Variants in CALN1 observed in about 807,000 individuals in gnomAD.
The protein encoded by CALN1 is calneuron 1.
Under a neutral mutation model 30.6 loss-of-function variants are expected in CALN1, and 17 were observed. That is an observed-to-expected ratio of 0.56 (90% confidence interval 0.38 to 0.83). The LOEUF is 0.83. CALN1 is among the 40% of genes least tolerant of loss of function. CALN1 has a pLI of 0.00. For missense variants in CALN1, 291 were observed against 354.9 expected (o/e 0.82, Z 1.45); for synonymous variants, 156 against 131.4 (o/e 1.19, Z -1.28).
intron 3 of CALN1, among the ~76,000 whole-genome samples, chr7:72,174,059 A>G (rs1347959002): frequency 1.3e-5 from 2 of 152,122 alleles, no homozygotes; most frequent in South Asian, 2.1e-4. Flanking sequence ...TATATCTAGT[A>G]TATATAAAGA....
In CALN1 at chr7:71,994,553, G is replaced by A. The variant is rs373992654; in HGVS notation, c.501+29104C>T. 1.5e-4 allele frequency among the ~76,000 whole-genome samples: 23 copies of A among 148,486 alleles called. No homozygotes were observed. In the South Asian group the frequency reaches 4.9e-3, roughly 31 times the overall value. On this transcript the variant is annotated intron_variant, in intron 5 of 6. Coordinates refer to ENST00000395275, the MANE Select transcript of CALN1 (RefSeq NM_031468.4). ...AAAAAACAGTGATAGTAAAATTGAA[G>A]TGGTGTTATTCATCTGGAGTAATAC...
chr7:72,150,846 T>A (rs7805399), intron 3 of CALN1, among the ~76,000 whole-genome samples: 41,295 of 151,934 alleles, frequency 0.27, 6,310 homozygotes, highest in Non-Finnish European at 0.35. Context: ...ATAGAGTAGA[T>A]GCTCAATAAC....
At chr7:72,434,280 A>T (rs960872016) in intron 1 of CALN1, among the ~76,000 whole-genome samples, 3 of 150,976 alleles carry the variant, frequency 2.0e-5, no homozygotes, top group African/African-American at 7.3e-5. Flanking sequence ...AGGCGGGTGG[A>T]TCACCTGAGG....
chr7:72,354,112 A>C (rs1161069394), intron 2 of CALN1, among the ~76,000 whole-genome samples: 1 of 152,124 alleles, frequency 6.6e-6, no homozygotes, highest in Non-Finnish European at 1.5e-5. Context: ...ACTTGAACCC[A>C]AGAGGGGGAG....
chr7:72,182,883 G>A (rs1271379278), intron 3 of CALN1, among the ~76,000 whole-genome samples: 2 of 152,056 alleles, frequency 1.3e-5, no homozygotes, highest in Non-Finnish European at 2.9e-5. Context: ...TTGTGTGGCC[G>A]GAAGACAGAA....
intron 5 of CALN1, among the ~76,000 whole-genome samples, chr7:71,945,310 G>C (rs1437672051): frequency 3.3e-5 from 5 of 152,168 alleles, no homozygotes; most frequent in African/African-American, 1.2e-4. Flanking sequence ...CCAGTTTTGG[G>C]TATTCCTTTA....
At chr7:72,300,597 A>G (rs370001269) in intron 2 of CALN1, among the ~76,000 whole-genome samples, 3 of 152,238 alleles carry the variant, frequency 2.0e-5, no homozygotes, top group Admixed American at 6.5e-5. Context: ...AAACGAACAC[A>G]CTTCTCTCCT....
intron 3 of CALN1, among the ~76,000 whole-genome samples, chr7:72,230,641 G>A (rs1347866710): frequency 6.6e-6 from 1 of 152,086 alleles, no homozygotes; most frequent in East Asian, 1.9e-4. Flanking sequence ...ATAGAAGTTC[G>A]ACAAAGCAAG....
chr7:72,170,349 G>C (rs570545794), intron 3 of CALN1, among the ~76,000 whole-genome samples: 1 of 152,154 alleles, frequency 6.6e-6, no homozygotes, highest in East Asian at 1.9e-4. Flanking sequence ...TAATAACTCT[G>C]ATGCTACTTT....
At chr7:71,906,385 C>T (rs1794138039) in intron 5 of CALN1, among the ~76,000 whole-genome samples, 1 of 152,106 alleles carries the variant, frequency 6.6e-6, no homozygotes, top group Non-Finnish European at 1.5e-5. Flanking sequence ...TCCAGAGACT[C>T]CGAATGGGTG....
Position 72,196,807 on chromosome 7 carries a change from T to C in CALN1, c.244+81879A>G, listed in dbSNP as rs145662325. On this transcript the variant is annotated intron_variant, in intron 3 of 6. Coordinates refer to ENST00000395275, the MANE Select transcript of CALN1 (RefSeq NM_031468.4). ...CATCCTCATGAGTTAGATATTTTTA[T>C]TCCTGATGAGAAAACTGGGTCATTT... Among the ~76,000 whole-genome samples the C allele has an allele frequency of 6.2e-3, 942 of 152,198 alleles. 10 individuals are homozygous for C. The highest frequency in any genetic ancestry group is 0.019 in the African/African-American group (795 of 41,574).
chr7:71,824,706 G>A (rs571827594), intron 5 of CALN1, among the ~76,000 whole-genome samples: 36 of 152,194 alleles, frequency 2.4e-4, no homozygotes, highest in African/African-American at 7.0e-4. Flanking sequence ...AAAGACAGGC[G>A]GAATAAACTC....
intron 3 of CALN1, among the ~76,000 whole-genome samples, chr7:72,230,765 T>G (rs939765802): frequency 6.6e-6 from 1 of 152,138 alleles, no homozygotes; most frequent in Admixed American, 6.6e-5. Flanking sequence ...GATAATAAAT[T>G]CGTATTCTGT....
At position 71,973,641 on chromosome 7, in the gene CALN1, G is replaced by A. The variant is rs369666838; in HGVS notation, c.501+50016C>T. 2.0e-5 allele frequency among the ~76,000 whole-genome samples: 3 copies of A among 152,078 alleles called. No homozygotes were observed. The East Asian group carries it at 5.8e-4, about 29-fold the overall frequency. ...AGATGAGGCTTTTAAAACCAGAGAC[G>A]TGTTTATGAACTGTAAACCCTCATT... On this transcript the variant is annotated intron_variant, in intron 5 of 6. Coordinates refer to ENST00000395275, the MANE Select transcript of CALN1 (RefSeq NM_031468.4).
At chr7:71,878,882 C>T (rs1052166684) in intron 5 of CALN1, among the ~76,000 whole-genome samples, 9 of 152,170 alleles carry the variant, frequency 5.9e-5, no homozygotes, top group African/African-American at 2.2e-4. Context: ...CCAAGAGGAG[C>T]AGAAGAATCA....
At chr7:72,372,979 C>G (rs1804334443) in intron 2 of CALN1, among the ~76,000 whole-genome samples, 1 of 151,976 alleles carries the variant, frequency 6.6e-6, no homozygotes, top group Non-Finnish European at 1.5e-5. Context: ...AGGTAGCTAC[C>G]ATAAAATGCT....
At position 72,012,884 on chromosome 7, in the gene CALN1, C is replaced by G. The variant is rs534439239; in HGVS notation, c.501+10773G>C. ...GATCTTGGCTCACTGTAACCTCCGC[C>G]TCCGGGGTTCAAGCAATTCTCCTGT... is the stretch of plus-strand genomic sequence containing the variant. On this transcript the variant is annotated intron_variant, in intron 5 of 6. Coordinates refer to ENST00000395275, the MANE Select transcript of CALN1 (RefSeq NM_031468.4). 1.4e-4 allele frequency among the ~76,000 whole-genome samples: 21 copies of G among 152,288 alleles called. No individual in the cohort carries two copies. The East Asian group carries it at 4.1e-3, about 30-fold the overall frequency.
In CALN1 at chr7:72,303,950, A is replaced by T. The variant is rs543370261; in HGVS notation, c.120-25140T>A. ...GCAGTGAGTAATTATTTACATAATC[A>T]TAGTAATCATATTCACAAAATCTTT... is the stretch of plus-strand genomic sequence containing the variant. On this transcript the variant is annotated intron_variant, in intron 2 of 6. Coordinates refer to ENST00000395275, the MANE Select transcript of CALN1 (RefSeq NM_031468.4). Among the ~76,000 whole-genome samples the T allele has an allele frequency of 5.9e-5, 9 of 152,348 alleles. No homozygotes were observed. The South Asian group carries it at 1.4e-3, about 25-fold the overall frequency.
At chr7:72,281,881 T>C (rs946273580) in intron 2 of CALN1, among the ~76,000 whole-genome samples, 1 of 152,170 alleles carries the variant, frequency 6.6e-6, no homozygotes, top group Non-Finnish European at 1.5e-5. Flanking sequence ...TTGAGTACTT[T>C]GCAGAGAAAA....
Sources: allele counts gnomAD v4.1 joint callset (sites outside exome capture counted in the v4.1 genomes callset), GRCh38; gene constraint gnomAD v4.1.1; transcripts MANE v1.5; gene names NCBI Gene and HGNC (gene_info 2026-07-23, HGNC 2026-07-21).